ZNF616: variants seen among roughly 807,000 people sequenced by gnomAD.
The protein encoded by ZNF616 is zinc finger protein 616.
In ZNF616, 5 loss-of-function variants were observed where a neutral mutation model predicts 7.6. That is an observed-to-expected ratio of 0.66 (90% CI 0.34 to 1.38). The LOEUF (loss-of-function observed/expected upper bound fraction) is 1.38. Ranked by LOEUF, ZNF616 falls within the 40% of genes most tolerant of loss-of-function variation. The pLI is 0.04. For missense variants in ZNF616, 913 were observed against 948.3 expected (o/e 0.96, Z 0.49); for synonymous variants, 319 against 317.2 (o/e 1.01, Z -0.06).
At chr19:52,131,955 G>A (rs866123803) in intron 1 of ZNF616, among the ~76,000 whole-genome samples, 18 of 152,242 alleles carry the variant, frequency 1.2e-4, no homozygotes, top group African/African-American at 3.4e-4. Context: ...AAAGAGGCCT[G>A]TGTGGCTGGA....
Position 52,116,088 on chromosome 19 carries a change from C to T in ZNF616, c.1076G>A (p.Gly359Asp). 1 of 1,614,170 alleles carries T rather than the reference C, an allele frequency of 6.2e-7. No individual in the cohort carries two copies. The highest frequency in any genetic ancestry group is 8.5e-7 in the Non-Finnish European group (1 of 1,180,034). Reference sequence around the variant, plus strand: ...ATTTGATCTATGTCTGAATGCCTTGCCACATACATCACATTTATATGGTTT... The same window carrying T: ...ATTTGATCTATGTCTGAATGCCTTGTCACATACATCACATTTATATGGTTT... ...GKKPYKCDVC[G>D]KAFRHRSNLV... The change falls in exon 4 of 4, where the codon GGC becomes GAC. Residue 359 changes from glycine to aspartate, a missense_variant. By Grantham distance (94) the Gly-to-Asp change is moderately conservative. Coordinates refer to ENST00000600228, the MANE Select transcript of ZNF616 (RefSeq NM_178523.5).
Position 52,139,796 on chromosome 19 carries a change from C to T in ZNF616, c.-141G>A, listed in dbSNP as rs1207256999. ...GGTATTTTAAGGTCCGTAGCGATCC[C>T]CAGATCACTGGTACGGAGAAGTGAG... On this transcript the variant is annotated 5_prime_UTR_variant, in exon 1 of 4. Transcript: ENST00000600228. The surrounding 1 kb of genome is among the most constrained non-coding windows in gnomAD (Gnocchi z 4.1). The T allele has an allele frequency of 6.6e-6, 1 of 152,166 alleles. No homozygotes were observed. Among genetic ancestry groups the T allele is most frequent in the African/African-American group, 2.4e-5 (1 of 41,398 alleles). The allele number at this position is 152,166 out of a possible 1,614,324, so 9.4% of individuals were successfully genotyped here.
chr19:52,137,275 T>C (rs959074030), intron 1 of ZNF616, among the ~76,000 whole-genome samples: 3 of 150,832 alleles, frequency 2.0e-5, no homozygotes, highest in African/African-American at 4.9e-5. Context: ...TACAAAAAAT[T>C]AGCCGGGCGT....
At position 52,116,554 on chromosome 19, in the gene ZNF616, G is replaced by A. The variant is rs145127081; in HGVS notation, c.610C>T (p.Gln204Ter). ...FKASSSLINH[Q>*]RIHTTEKPYK... Reference sequence around the variant, plus strand: ...GGTTTCTCTGTAGTATGTATCCTCTGATGATTAATAAGGCTGGAAGACGCT... The same window carrying A: ...GGTTTCTCTGTAGTATGTATCCTCTAATGATTAATAAGGCTGGAAGACGCT... The change falls in exon 4 of 4, where the codon CAG (glutamine) becomes TAG (stop). Residue 204 changes from glutamine (Q) to a stop codon, truncating the protein, a stop_gained. Transcript: ENST00000600228. LOFTEE classifies it low-confidence loss of function (END_TRUNC). 8.9e-5 allele frequency: 144 copies of A among 1,613,948 alleles called. No individual in the cohort carries two copies. Among genetic ancestry groups the A allele is most frequent in the Admixed American group, 2.3e-4 (14 of 60,002 alleles).
chr19:52,136,916 C>A (rs1315834697), intron 1 of ZNF616, among the ~76,000 whole-genome samples: 1 of 151,604 alleles, frequency 6.6e-6, no homozygotes, highest in Non-Finnish European at 1.5e-5. Flanking sequence ...AAACAAAAAA[C>A]AAAAAACTTA....
chr19:52,135,883 T>C (rs546780859), intron 1 of ZNF616, among the ~76,000 whole-genome samples: 1 of 151,880 alleles, frequency 6.6e-6, no homozygotes, highest in Non-Finnish European at 1.5e-5. Context: ...AATCCTAGCA[T>C]GTTGAGAGGC....
Position 52,139,191 on chromosome 19 carries a change from A to C in ZNF616, c.-77+541T>G, listed in dbSNP as rs1276556724. 2.0e-5 allele frequency among the ~76,000 whole-genome samples: 3 copies of C among 151,830 alleles called. No individual in the cohort carries two copies. The highest frequency in any genetic ancestry group is 7.3e-5 in the African/African-American group (3 of 41,298). ...CCCTCTCACCCACACATTCAGGAGG[A>C]AAGGGGAGGAATACGATGCCCACCT... On this transcript the variant is annotated intron_variant, in intron 1 of 3. Transcript: ENST00000600228. The surrounding 1 kb of genome is among the most constrained non-coding windows in gnomAD (Gnocchi z 4.1).
At position 52,116,035 on chromosome 19, in the gene ZNF616, C is replaced by A. The variant is rs1164623737; in HGVS notation, c.1129G>T (p.Gly377Ter). 8 of 1,614,028 alleles carry A rather than the reference C, an allele frequency of 5.0e-6. No individual in the cohort carries two copies. The Admixed American group carries it at 5.0e-5, about 10-fold the overall frequency. ...NLVCHRRIHS[G>*]EKQYKCNECG... ...TCATTGCATTTGTATTGTTTCTCTC[C>A]ACTGTGGATTCTCCGGTGACATACA... is the stretch of plus-strand genomic sequence containing the variant. Residue 377 changes from glycine (G) to a stop codon, truncating the protein, a stop_gained, in exon 4 of 4, where the codon GGA becomes TGA. Coordinates refer to ENST00000600228, the MANE Select transcript of ZNF616 (RefSeq NM_178523.5). LOFTEE classifies it low-confidence loss of function (END_TRUNC).
In ZNF616 at chr19:52,127,227, G is replaced by T. The variant is rs2088917053; in HGVS notation, c.13-3178C>A. Among the ~76,000 whole-genome samples, 5 of 152,270 alleles carry T rather than the reference G, an allele frequency of 3.3e-5. No homozygotes were observed. The South Asian group carries it at 1.0e-3, about 32-fold the overall frequency. On this transcript the variant is annotated intron_variant, in intron 2 of 3. Transcript: ENST00000600228. ...GCACCATCATGTCCGGCTAATATTT[G>T]TATTTTCAGTAGAGACAGGGTTTCA...
intron 1 of ZNF616, among the ~76,000 whole-genome samples, chr19:52,131,005 A>C (rs543287599): frequency 6.6e-6 from 1 of 152,214 alleles, no homozygotes; most frequent in Admixed American, 6.5e-5. Context: ...GCGGTGGCTC[A>C]TGCCTGTAAT....
intron 1 of ZNF616, among the ~76,000 whole-genome samples, chr19:52,136,023 G>C (rs2089003569): frequency 6.6e-6 from 1 of 150,932 alleles, no homozygotes; most frequent in Non-Finnish European, 1.5e-5. Context: ...TCAGCTACTT[G>C]TGAGGCTGAG....
In ZNF616 at chr19:52,126,974, G is replaced by A. The variant is rs191635553; in HGVS notation, c.13-2925C>T. On this transcript the variant is annotated intron_variant, in intron 2 of 3. Coordinates refer to ENST00000600228, the MANE Select transcript of ZNF616 (RefSeq NM_178523.5). ...GATATTATCAAAGACTGACAAACTC[G>A]ATTCTTTTTGGAAGACATGGTGACA... Among the ~76,000 whole-genome samples, 24 of 151,614 alleles carry A rather than the reference G, an allele frequency of 1.6e-4. No homozygotes were observed. The East Asian group carries it at 2.7e-3, about 17-fold the overall frequency.
chr19:52,119,757 G>A (rs1209721211), intron 3 of ZNF616, among the ~76,000 whole-genome samples: 1 of 152,136 alleles, frequency 6.6e-6, no homozygotes, highest in African/African-American at 2.4e-5. Flanking sequence ...CAGGACAAGG[G>A]AAAACAGTTA....
chr19:52,128,713 G>C (rs1369807906), intron 2 of ZNF616, among the ~76,000 whole-genome samples: 1 of 148,968 alleles, frequency 6.7e-6, no homozygotes, highest in African/African-American at 2.5e-5. Context: ...TTGCACTCCA[G>C]CCTGGGCAAC....
At chr19:52,131,952 C>A (rs2088963906) in intron 1 of ZNF616, among the ~76,000 whole-genome samples, 1 of 152,014 alleles carries the variant, frequency 6.6e-6, no homozygotes, top group Non-Finnish European at 1.5e-5. Flanking sequence ...AGGAAAGAGG[C>A]CTGTGTGGCT....
At chr19:52,137,779 T>C (rs1817811933) in intron 1 of ZNF616, among the ~76,000 whole-genome samples, 1 of 152,056 alleles carries the variant, frequency 6.6e-6, no homozygotes, top group South Asian at 2.1e-4. Context: ...GGGGTAAAAG[T>C]TAAAAAAAGG....
intron 1 of ZNF616, among the ~76,000 whole-genome samples, chr19:52,133,843 T>C (rs2088984248): frequency 6.6e-6 from 1 of 152,042 alleles, no homozygotes; most frequent in Non-Finnish European, 1.5e-5. Flanking sequence ...CTAATGTCTA[T>C]TAGTTATTTT....
At chr19:52,129,405 T>A (rs2088938356) in intron 2 of ZNF616, among the ~76,000 whole-genome samples, 1 of 152,206 alleles carries the variant, frequency 6.6e-6, no homozygotes, top group Admixed American at 6.5e-5. Context: ...CATCATGTGA[T>A]GTTTAAAATA....
At position 52,115,773 on chromosome 19, in the gene ZNF616, G is replaced by A. The variant is rs1356743158; in HGVS notation, c.1391C>T (p.Ala464Val). Residue 464 changes from alanine (A) to valine (V), a missense_variant, in exon 4 of 4, where the codon GCT (alanine) becomes GTT (valine). By Grantham distance (64) the Ala-to-Val change is moderately conservative (BLOSUM62 0). Transcript: ENST00000600228. Reference protein sequence around the residue: ...VHWRIHTGEKAYKCNECGKVF... With the variant: ...VHWRIHTGEKVYKCNECGKVF... ...TTTGCCACATTCATTGCATTTATAAGCTTTCTCGCCGGTATGAATTCTCCA... is the reference window on the plus strand; with the variant it reads ...TTTGCCACATTCATTGCATTTATAAACTTTCTCGCCGGTATGAATTCTCCA... 6.2e-7 allele frequency: 1 copy of A among 1,614,056 alleles called. No individual in the cohort carries two copies.
Sources: gnomAD v4.1 joint callset for allele counts (sites outside exome capture counted in the v4.1 genomes callset) on GRCh38, gnomAD v4.1.1 for gene constraint, Gnocchi (gnomAD v3.1) non-coding constraint, MANE v1.5 for transcripts, NCBI Gene and HGNC (gene_info 2026-07-23, HGNC 2026-07-21) for gene names.